The following ANKRD36C variants were observed in gnomAD, a reference collection of about 807,000 sequenced individuals.
ANKRD36C encodes ankyrin repeat domain 36C.
Under a neutral mutation model 276.4 loss-of-function variants are expected in ANKRD36C, and 61 were observed. The ratio of observed to expected loss-of-function variants is 0.22; its 90% confidence interval spans 0.18 to 0.27. The LOEUF (loss-of-function observed/expected upper bound fraction) is 0.27. Ranked by LOEUF, ANKRD36C falls within the 10% of genes least tolerant of loss-of-function variation. The pLI, the probability that ANKRD36C is intolerant of heterozygous loss-of-function variation, is 1.00. For missense variants in ANKRD36C, 1,447 were observed against 2,032.3 expected (o/e 0.71, Z 5.54); for synonymous variants, 483 against 680.1 (o/e 0.71, Z 4.51).
At chr2:95,928,576 T>G (rs902259683) in intron 26 of ANKRD36C, among the ~76,000 whole-genome samples, 7 of 151,480 alleles carry the variant, frequency 4.6e-5, no homozygotes, top group African/African-American at 1.5e-4. Flanking sequence ...ATTACATAAA[T>G]ACCTTCTTTT....
chr2:95,902,268 C>G (rs1676676799), intron 42 of ANKRD36C, among the ~76,000 whole-genome samples: 1 of 148,586 alleles, frequency 6.7e-6, no homozygotes, highest in Admixed American at 6.7e-5. Context: ...CCAATTATAC[C>G]ATTGTTTCCT....
At chr2:95,908,729 T>A (rs1676821715) in intron 42 of ANKRD36C, 32 bp from the exon 47 acceptor site, 1 of 1,543,434 alleles carries the variant, frequency 6.5e-7, no homozygotes, top group Non-Finnish European at 8.8e-7. Context: ...TAATCACTCA[T>A]ATGTAAAAAT....
chr2:95,923,849 A>G (rs533752390), intron 30 of ANKRD36C, among the ~76,000 whole-genome samples, 160 bp from the exon 31 acceptor site: 1 of 151,796 alleles, frequency 6.6e-6, no homozygotes, highest in East Asian at 2.0e-4. Flanking sequence ...ATACACTGAA[A>G]AAAAAGAAAT....
At chr2:95,859,900 T>C in exon 61 of ANKRD36C, 1 of 1,550,318 alleles carries the variant, frequency 6.5e-7, no homozygotes, top group East Asian at 2.5e-5. Flanking sequence ...AAGTGTTTCA[T>C]GCTTTAACTG....
At chr2:95,891,026 T>TGTG (rs758739075) in intron 46 of ANKRD36C, among the ~76,000 whole-genome samples, 4 of 151,376 alleles carry the variant, frequency 2.6e-5, no homozygotes, top group East Asian at 2.0e-4. Context: ...AATGAGTCAG[T>TGTG]GTGGTGTATT....
chr2:95,876,609 T>C lies in ANKRD36C; in HGVS notation c.3470-100A>G. ...GCTCACGCCTGTAATCCCAGCACTT[T>C]GGGAGGCCGAGGCAGGTGGATCACG... is the stretch of plus-strand genomic sequence containing the variant. On this transcript the variant is annotated intron_variant, in intron 58 of 66. Transcript: ENST00000456556. The C allele has an allele frequency of 2.0e-5, 13 of 655,966 alleles. No homozygotes were observed. In the South Asian group the frequency reaches 2.2e-4, roughly 11 times the overall value. The allele number at this position is 655,966 out of a possible 1,614,324, so 40.6% of individuals were successfully genotyped here.
chr2:95,916,268 C>A (rs1280846831), intron 36 of ANKRD36C, 97 bp from the exon 39 acceptor site: 3 of 1,564,872 alleles, frequency 1.9e-6, no homozygotes, highest in Non-Finnish European at 2.6e-6. Flanking sequence ...GAACTCCTGC[C>A]TGTATTAGTG....
chr2:95,885,602 A>C (rs1573739677), intron 52 of ANKRD36C, among the ~76,000 whole-genome samples: 1 of 151,938 alleles, frequency 6.6e-6, no homozygotes, highest in Non-Finnish European at 1.5e-5. Flanking sequence ...TTCCTTGTGG[A>C]AAATAATTGC....
chr2:95,972,701 C>A (rs981601878), intron 6 of ANKRD36C, among the ~76,000 whole-genome samples: 36 of 152,320 alleles, frequency 2.4e-4, no homozygotes, highest in Non-Finnish European at 4.7e-4. Flanking sequence ...TATAAAACAC[C>A]TTTCCCTAAT....
intron 44 of ANKRD36C, among the ~76,000 whole-genome samples, chr2:95,894,909 G>T (rs1676492353): frequency 6.6e-6 from 1 of 150,636 alleles, no homozygotes; most frequent in African/African-American, 2.4e-5. Flanking sequence ...TTATATAAAT[G>T]ACTTCCTCTT....
downstream of ANKRD36C, among the ~76,000 whole-genome samples, chr2:95,850,455 A>C (rs555426758): frequency 1.3e-3 from 198 of 152,348 alleles, 1 homozygote; most frequent in Middle Eastern, 3.4e-3. Flanking sequence ...TCATAGGTTG[A>C]TATCTGAAGG....
chr2:95,876,358 A>G, intron 59 of ANKRD36C, 81 bp downstream of exon 79: 3 of 1,106,818 alleles, frequency 2.7e-6, no homozygotes, highest in Non-Finnish European at 4.0e-6. Flanking sequence ...ATCCAAAGGT[A>G]AATTCATTTC....
At chr2:95,907,018 A>G in intron 42 of ANKRD36C, 196 bp from the exon 49 acceptor site, 1 of 22,296 alleles carries the variant, frequency 4.5e-5, no homozygotes, top group South Asian at 2.6e-4. Flanking sequence ...CATGAAATAT[A>G]CCCTTACAAT....
chr2:95,979,271 C>T (rs1678870043), intron 5 of ANKRD36C, among the ~76,000 whole-genome samples: 2 of 151,970 alleles, frequency 1.3e-5, no homozygotes, highest in African/African-American at 4.8e-5. Flanking sequence ...AGTCAAATGA[C>T]CTTCCCGTGA....
At chr2:95,854,928 C>T (rs1392753994) in intron 63 of ANKRD36C, among the ~76,000 whole-genome samples, 3 of 152,094 alleles carry the variant, frequency 2.0e-5, no homozygotes, top group African/African-American at 7.2e-5. Flanking sequence ...TAGGTATGAG[C>T]ATTTCCATAT....
intron 12 of ANKRD36C, among the ~76,000 whole-genome samples, chr2:95,958,204 G>C (rs1469431767): frequency 1.3e-5 from 2 of 151,706 alleles, no homozygotes; most frequent in African/African-American, 4.8e-5. Flanking sequence ...GGCTTTTTAC[G>C]ATCACTTCTT....
chr2:95,869,192 T>C (rs950788832), intron 59 of ANKRD36C, among the ~76,000 whole-genome samples: 9 of 152,328 alleles, frequency 5.9e-5, no homozygotes, highest in African/African-American at 2.2e-4. Flanking sequence ...TAATCTATGT[T>C]TACCTACTCC....
chr2:95,968,448 C>T (rs1678636165), intron 6 of ANKRD36C, among the ~76,000 whole-genome samples: 2 of 152,060 alleles, frequency 1.3e-5, no homozygotes, highest in Admixed American at 6.6e-5. Context: ...ATATAATGAG[C>T]AGGCATTATC....
At chr2:95,861,419 T>C (rs1178371224) in intron 60 of ANKRD36C, among the ~76,000 whole-genome samples, 1 of 151,186 alleles carries the variant, frequency 6.6e-6, no homozygotes, top group Non-Finnish European at 1.5e-5. Context: ...AAAAATATTG[T>C]AACCTTAACA....
Sources: gnomAD v4.1 joint callset for allele counts (sites outside exome capture counted in the v4.1 genomes callset) on GRCh38, gnomAD v4.1.1 for gene constraint, MANE v1.5 for transcripts, NCBI Gene and HGNC (gene_info 2026-07-23, HGNC 2026-07-21) for gene names.